Variants in PLA2G4C observed in about 807,000 individuals in gnomAD.
PLA2G4C encodes cytosolic phospholipase A2 gamma.
PLA2G4C carries 64 observed loss-of-function variants against 73.8 expected under a neutral mutation model. The ratio of observed to expected loss-of-function variants is 0.87; its 90% CI spans 0.71 to 1.07. The LOEUF is 1.07. Ranked by LOEUF, PLA2G4C falls within the 50% of genes least tolerant of loss-of-function variation. The pLI is 0.00. For missense variants in PLA2G4C, 622 were observed against 665.4 expected, an observed-to-expected ratio of 0.93 and a Z score of 0.72; for synonymous variants, 254 against 252.1, an observed-to-expected ratio of 1.01 and a Z score of -0.07.
intron 15 of PLA2G4C, 60 bp downstream of exon 15, chr19:48,054,818 T>C: frequency 6.9e-7 from 1 of 1,440,114 alleles, no homozygotes; most frequent in Middle Eastern, 1.8e-4. Context: ...ATGTTTTTAT[T>C]AGCAGTGTGA....
chr19:48,066,028 G>A (rs956804232), intron 13 of PLA2G4C, among the ~76,000 whole-genome samples: 5 of 151,792 alleles, frequency 3.3e-5, no homozygotes, highest in South Asian at 2.1e-4. Flanking sequence ...CGGAGGTTGC[G>A]GTGAGCTGAG....
Position 48,104,666 on chromosome 19 carries a change from A to G in PLA2G4C, c.179T>C (p.Leu60Pro). 6.2e-7 allele frequency: 1 copy of G among 1,614,052 alleles called. No individual in the cohort carries two copies. Among genetic ancestry groups the G allele is most frequent in the Non-Finnish European group, 8.5e-7 (1 of 1,179,936 alleles). Residue 60 changes from leucine to proline, a missense_variant, in exon 4 of 17, where the codon CTT becomes CCT. Physicochemically the swap from Leu to Pro is moderately conservative, Grantham distance 98 (BLOSUM62 -3). Coordinates refer to ENST00000599921, the MANE Select transcript of PLA2G4C (RefSeq NM_003706.3). The part of the protein sequence containing the change: ...GGGLRAHIAC[L>P]GVLSEMKEQG... ...TTCTTTCATCTCACTCAGGACCCCA[A>G]GGCAGGCAATGTGAGCCCGCAGTCC...
At chr19:48,100,088 A>G in intron 4 of PLA2G4C, 1 of 456,866 alleles carries the variant, frequency 2.2e-6, no homozygotes, top group South Asian at 3.8e-5. Flanking sequence ...AGGCAGGAAA[A>G]TGAGAGCACG....
At chr19:48,079,611 T>C (rs2030406969) in intron 10 of PLA2G4C, among the ~76,000 whole-genome samples, 1 of 152,178 alleles carries the variant, frequency 6.6e-6, no homozygotes, top group Non-Finnish European at 1.5e-5. Flanking sequence ...AAAACTCTTC[T>C]AGATGTTGGC....
chr19:48,051,230 A>C (rs1186072543), intron 16 of PLA2G4C, among the ~76,000 whole-genome samples: 1 of 152,188 alleles, frequency 6.6e-6, no homozygotes, highest in African/African-American at 2.4e-5. Context: ...TCTCCCCTGG[A>C]GCCTCCGCAG....
rs927391456 is a variant in PLA2G4C, at chr19:48,090,364, CA to C, written c.762del (p.Phe254LeufsTer4). 1.6e-5 allele frequency: 26 copies of C among 1,606,868 alleles called. No individual in the cohort carries two copies. The Admixed American group carries it at 3.7e-4, about 23-fold the overall frequency. ...GNTEVIREYI[F>X]DQLRNLTLKG... is the part of the protein sequence containing the mutation. Reference sequence around the variant, plus strand: ...ACCTTTCTGTTCCCCAAATACTCACCAAAAATGTATTCCCTAATGACTTCAG... The same window carrying C: ...ACCTTTCTGTTCCCCAAATACTCACCAAAATGTATTCCCTAATGACTTCAG... On this transcript the variant is annotated frameshift_variant and splice_region_variant, in exon 8 of 17. Coordinates refer to ENST00000599921, the MANE Select transcript of PLA2G4C (RefSeq NM_003706.3). LOFTEE classifies it high-confidence loss of function.
intron 5 of PLA2G4C, among the ~76,000 whole-genome samples, chr19:48,098,713 TAAAAAAAAAAAAAA>T (rs548688675): frequency 0.14 from 4,374 of 30,918 alleles, 307 homozygotes; most frequent in African/African-American, 0.26. Context: ...ACCCTATCTC[TAAAAAAAAAAAAAA>T]AAAAAAAAAA....
rs750303152 is a variant in PLA2G4C at position 48,088,661 on chromosome 19, A to G, written c.790+25T>C. The G allele has an allele frequency of 3.2e-6, 5 of 1,575,140 alleles. 1 individual carries two copies. The highest frequency in any genetic ancestry group is 3.3e-4 in the Middle Eastern group (2 of 5,990). On this transcript the variant is annotated intron_variant, in intron 9 of 16. Transcript: ENST00000599921. Reference sequence around the variant, plus strand: ...TGTGCGGTCCCCATTATCATCAGGGATTCATGATGAAGTAGGATGCTTACC... The same window carrying G: ...TGTGCGGTCCCCATTATCATCAGGGGTTCATGATGAAGTAGGATGCTTACC...
chr19:48,055,223 C>A (rs1312781307), intron 14 of PLA2G4C, among the ~76,000 whole-genome samples, 174 bp from the exon 15 acceptor site: 1 of 151,352 alleles, frequency 6.6e-6, no homozygotes, highest in Non-Finnish European at 1.5e-5. Context: ...TAAGCCTCTG[C>A]CATCACCCGC....
Position 48,062,064 on chromosome 19 carries a change from C to T in PLA2G4C, c.1191G>A (p.Val397=), listed in dbSNP as rs1229085312. Residue 397 remains valine (V), a synonymous_variant, in exon 14 of 17, where the codon GTG becomes GTA. Coordinates refer to ENST00000599921, the MANE Select transcript of PLA2G4C (RefSeq NM_003706.3). ...GGTGAACCTCCCGCGTCGGGGGCAG[C>T]ACGAGTGGGAAGGGAGTGTTGATGG... ...GLAINTPFPL[V]LPPTREVHLI... 1 of 1,613,722 alleles carries T rather than the reference C, an allele frequency of 6.2e-7. No homozygotes were observed. The highest frequency in any genetic ancestry group is 1.7e-5 in the Admixed American group (1 of 59,976).
intron 10 of PLA2G4C, among the ~76,000 whole-genome samples, chr19:48,078,515 A>G (rs1018889183): frequency 6.6e-6 from 1 of 152,216 alleles, no homozygotes; most frequent in Non-Finnish European, 1.5e-5. Context: ...TGAATTCAGT[A>G]GAGTTTCAGG....
At chr19:48,109,021 T>C (rs1020363998) in intron 1 of PLA2G4C, 1 of 152,206 alleles carries the variant, frequency 6.6e-6, no homozygotes, top group African/African-American at 2.4e-5. Context: ...AAAGTTTAAC[T>C]ATGAATTAAA....
intron 10 of PLA2G4C, among the ~76,000 whole-genome samples, chr19:48,078,173 AT>A (rs2030297339): frequency 1.3e-5 from 2 of 152,202 alleles, no homozygotes; most frequent in African/African-American, 4.8e-5. Context: ...ACATCCCTTT[AT>A]GATTAAAGCC....
chr19:48,087,389 A>G (rs1301166033), intron 9 of PLA2G4C, among the ~76,000 whole-genome samples: 1 of 152,170 alleles, frequency 6.6e-6, no homozygotes, highest in Non-Finnish European at 1.5e-5. Context: ...GTACAACTAT[A>G]GACAGCCTTT....
At chr19:48,075,577 G>C (rs924476165) in intron 11 of PLA2G4C, among the ~76,000 whole-genome samples, 1 of 152,020 alleles carries the variant, frequency 6.6e-6, no homozygotes, top group Admixed American at 6.6e-5. Context: ...CTCTGCTCAC[G>C]TTTGCTGAGA....
rs201379353 is a variant in PLA2G4C, at chr19:48,104,749, C to A, written c.121-25G>T. ...CCTAGGCATTGGGGAGAAAATCGAT[C>A]AGAGGTTTAGAGCCTGAGGATGGAG... On this transcript the variant is annotated intron_variant, in intron 3 of 16. Coordinates refer to ENST00000599921, the MANE Select transcript of PLA2G4C (RefSeq NM_003706.3). 1,100 of 1,612,514 alleles carry A rather than the reference C, an allele frequency of 6.8e-4. 2 individuals are homozygous for A. Among genetic ancestry groups the A allele is most frequent in the Middle Eastern group, 9.9e-4 (6 of 6,080 alleles).
intron 10 of PLA2G4C, among the ~76,000 whole-genome samples, chr19:48,083,117 G>C (rs1432263959): frequency 6.6e-6 from 1 of 151,500 alleles, no homozygotes; most frequent in Non-Finnish European, 1.5e-5. Context: ...GCCTGGCCCT[G>C]GCTTGCTTTT....
intron 2 of PLA2G4C, among the ~76,000 whole-genome samples, chr19:48,105,845 TCCATC>T (rs2032164309): frequency 1.6e-5 from 1 of 61,038 alleles, no homozygotes; most frequent in Non-Finnish European, 2.9e-5. Flanking sequence ...CTCCCTTCCT[TCCATC>T]CTTCCTTCCT....
chr19:48,059,721 G>A (rs1053696300), intron 14 of PLA2G4C, among the ~76,000 whole-genome samples: 4 of 151,434 alleles, frequency 2.6e-5, no homozygotes, highest in Admixed American at 6.6e-5. Flanking sequence ...GGGGCTCTAC[G>A]GCCTTTGGCT....
Sources: allele counts gnomAD v4.1 joint callset (sites outside exome capture counted in the v4.1 genomes callset), GRCh38; gene constraint gnomAD v4.1.1; transcripts MANE v1.5; gene names NCBI Gene and HGNC (gene_info 2026-07-23, HGNC 2026-07-21).